The following FSHR variants were observed in gnomAD, a reference collection of about 807,000 sequenced individuals.
The protein encoded by FSHR is follicle-stimulating hormone receptor.
A neutral mutation model predicts 52.1 loss-of-function variants in FSHR; 46 were observed. That is an observed-to-expected ratio of 0.88 (90% CI 0.70 to 1.13). The LOEUF (loss-of-function observed/expected upper bound fraction) is 1.13. FSHR is among the 50% of genes most tolerant of loss of function. FSHR has a pLI of 0.00. For missense variants in FSHR, 964 were observed against 834.6 expected (o/e 1.16, Z -1.91); for synonymous variants, 399 against 309.6 (o/e 1.29, Z -3.03).
intron 2 of FSHR, among the ~76,000 whole-genome samples, chr2:49,044,267 C>T (rs1049329272): frequency 6.6e-6 from 1 of 152,132 alleles, no homozygotes; most frequent in Admixed American, 6.5e-5. Flanking sequence ...CTGGGGGAAA[C>T]TCACATTTTC....
intron 1 of FSHR, among the ~76,000 whole-genome samples, chr2:49,141,301 A>G (rs754521462): frequency 6.6e-6 from 1 of 152,156 alleles, no homozygotes; most frequent in Non-Finnish European, 1.5e-5. Flanking sequence ...ATTTATAAGG[A>G]AAAGAGGTTT....
intron 1 of FSHR, among the ~76,000 whole-genome samples, chr2:49,132,947 A>C (rs960694614): frequency 6.8e-6 from 1 of 148,128 alleles, no homozygotes; most frequent in Non-Finnish European, 1.5e-5. Flanking sequence ...CATTTATTCA[A>C]GAACATTTAT....
chr2:49,006,327 G>T (rs1212233502), intron 4 of FSHR, among the ~76,000 whole-genome samples: 4 of 151,996 alleles, frequency 2.6e-5, no homozygotes, highest in African/African-American at 9.7e-5. Flanking sequence ...TCACTCTGCT[G>T]CTCAAGAATA....
At chr2:49,030,073 A>T (rs1668046559) in intron 2 of FSHR, among the ~76,000 whole-genome samples, 2 of 152,324 alleles carry the variant, frequency 1.3e-5, no homozygotes, top group South Asian at 2.1e-4. Context: ...CAGGGTAGCC[A>T]GCAAGGGCCA....
intron 1 of FSHR, among the ~76,000 whole-genome samples, chr2:49,094,038 G>A (rs1001631023): frequency 6.6e-6 from 1 of 151,968 alleles, no homozygotes; most frequent in African/African-American, 2.4e-5. Context: ...TTTCTAATTT[G>A]TTTCCTGTTT....
At chr2:49,035,006 C>T (rs1449231954) in intron 2 of FSHR, among the ~76,000 whole-genome samples, 3 of 152,204 alleles carry the variant, frequency 2.0e-5, no homozygotes, top group Admixed American at 1.3e-4. Flanking sequence ...GTGCCCCTCA[C>T]GCAATGCTGC....
intron 4 of FSHR, among the ~76,000 whole-genome samples, chr2:48,998,959 A>G (rs1248805647): frequency 2.0e-5 from 3 of 152,016 alleles, no homozygotes; most frequent in African/African-American, 7.2e-5. Flanking sequence ...TGCACACAAG[A>G]CTGCAGTCAT....
intron 1 of FSHR, among the ~76,000 whole-genome samples, chr2:49,140,183 G>A (rs536566541): frequency 6.6e-6 from 1 of 152,188 alleles, no homozygotes; most frequent in Admixed American, 6.6e-5. Context: ...AGGGCCTGGT[G>A]GGAGGTGTTT....
At chr2:49,112,843 C>T (rs756958819) in intron 1 of FSHR, among the ~76,000 whole-genome samples, 1 of 152,064 alleles carries the variant, frequency 6.6e-6, no homozygotes, top group Admixed American at 6.6e-5. Flanking sequence ...GGCCATGCTG[C>T]GTATTTGAAA....
intron 2 of FSHR, among the ~76,000 whole-genome samples, chr2:49,052,020 C>T (rs1302425259): frequency 6.6e-6 from 1 of 151,822 alleles, no homozygotes; most frequent in Admixed American, 6.6e-5. Context: ...TTTCCCAACT[C>T]ATTTTATAAT....
At position 49,006,731 on chromosome 2, in the gene FSHR, G is replaced by T. The variant is rs568358821; in HGVS notation, c.374+10758C>A. On this transcript the variant is annotated intron_variant, in intron 4 of 9. Coordinates refer to ENST00000406846, the MANE Select transcript of FSHR (RefSeq NM_000145.4). Reference sequence around the variant, plus strand: ...TACAGAGGTATTGCTATTTCCAGGGGTTAACGTTTGATAGACTTTTCTCCC... The same window carrying T: ...TACAGAGGTATTGCTATTTCCAGGGTTTAACGTTTGATAGACTTTTCTCCC... Among the ~76,000 whole-genome samples, 23 of 152,156 alleles carry T rather than the reference G, an allele frequency of 1.5e-4. No homozygotes were observed. The South Asian group carries it at 4.4e-3, about 29-fold the overall frequency.
chr2:49,095,254 T>C (rs1444878030), intron 1 of FSHR, among the ~76,000 whole-genome samples: 1 of 152,146 alleles, frequency 6.6e-6, no homozygotes, highest in Non-Finnish European at 1.5e-5. Context: ...TAATAAGATG[T>C]GGTAGCAGTG....
At chr2:49,085,645 C>T (rs1208830175) in intron 1 of FSHR, among the ~76,000 whole-genome samples, 2 of 152,140 alleles carry the variant, frequency 1.3e-5, no homozygotes, top group African/African-American at 2.4e-5. Flanking sequence ...AATCATGCTG[C>T]TATAAAGACA....
At chr2:49,062,136 A>G (rs986889212) in intron 2 of FSHR, among the ~76,000 whole-genome samples, 1 of 152,098 alleles carries the variant, frequency 6.6e-6, no homozygotes, top group Non-Finnish European at 1.5e-5. Context: ...AGCAAAAAGA[A>G]TAAAGCTGAA....
intron 6 of FSHR, among the ~76,000 whole-genome samples, chr2:48,983,890 C>A (rs1199834086): frequency 6.6e-6 from 1 of 152,094 alleles, no homozygotes; most frequent in African/African-American, 2.4e-5. Flanking sequence ...GGTCAGTGAG[C>A]AGGGTTCCCT....
At chr2:49,124,989 T>G (rs1671949118) in intron 1 of FSHR, among the ~76,000 whole-genome samples, 1 of 152,222 alleles carries the variant, frequency 6.6e-6, no homozygotes, top group Non-Finnish European at 1.5e-5. Flanking sequence ...CTAACTTGTT[T>G]GTTGTTCCTT....
At chr2:49,017,613 G>T in intron 3 of FSHR, 50 bp from the exon 4 acceptor site, 2 of 1,364,584 alleles carry the variant, frequency 1.5e-6, no homozygotes, top group Non-Finnish European at 2.1e-6. Flanking sequence ...AAGGAATGCT[G>T]TAGTATTTTT....
intron 1 of FSHR, among the ~76,000 whole-genome samples, chr2:49,105,139 A>G (rs1671177319): frequency 6.6e-6 from 1 of 152,142 alleles, no homozygotes. Flanking sequence ...AAACACAAAC[A>G]CAAATCACAA....
rs1197713852 is a variant in FSHR at position 48,963,450 on chromosome 2, G to C, written c.1371C>G (p.Val457=). Residue 457 remains valine, a synonymous_variant, in exon 10 of 10, where the codon GTC becomes GTG. Transcript: ENST00000406846. Reference sequence around the variant, plus strand: ...CCAAGGTGATAGCTGTCAGAGTGTAGACTGACAGCTCACTGGCAAAGACAG... The same window carrying C: ...CCAAGGTGATAGCTGTCAGAGTGTACACTGACAGCTCACTGGCAAAGACAG... ...FFTVFASELS[V]YTLTAITLER... 1 of 1,614,156 alleles carries C rather than the reference G, an allele frequency of 6.2e-7. No homozygotes were observed. The highest frequency in any genetic ancestry group is 8.5e-7 in the Non-Finnish European group (1 of 1,180,014).
Sources: gnomAD v4.1 joint callset for allele counts (sites outside exome capture counted in the v4.1 genomes callset) on GRCh38, gnomAD v4.1.1 for gene constraint, MANE v1.5 for transcripts, NCBI Gene and HGNC (gene_info 2026-07-23, HGNC 2026-07-21) for gene names.